GALNT16: variants seen among roughly 807,000 people sequenced by gnomAD.
The protein encoded by GALNT16 is polypeptide N-acetylgalactosaminyltransferase 16.
Under a neutral mutation model 76.1 loss-of-function variants are expected in GALNT16, and 40 were observed. That is an observed-to-expected ratio of 0.53 (90% CI 0.41 to 0.68). The LOEUF is 0.68. GALNT16 is among the 30% of genes least tolerant of loss of function. GALNT16 has a pLI of 0.00. For synonymous variants in GALNT16, 276 were observed against 285.2 expected, an observed-to-expected ratio of 0.97 and a Z score of 0.32; for missense variants, 621 against 731.9, an observed-to-expected ratio of 0.85 and a Z score of 1.75.
chr14:69,306,578 T>C (rs1466180499), intron 1 of GALNT16, among the ~76,000 whole-genome samples: 1 of 152,252 alleles, frequency 6.6e-6, no homozygotes, highest in East Asian at 1.9e-4. Flanking sequence ...ATTTAGATTA[T>C]TTTCAAATTT....
At chr14:69,268,225 C>A (rs1190317558) in intron 1 of GALNT16, among the ~76,000 whole-genome samples, 2 of 152,070 alleles carry the variant, frequency 1.3e-5, no homozygotes, top group African/African-American at 4.8e-5. Flanking sequence ...CTACAAAGAC[C>A]CCTTTGCAGA....
At chr14:69,278,325 A>G (rs1481710178) in intron 1 of GALNT16, among the ~76,000 whole-genome samples, 2 of 152,160 alleles carry the variant, frequency 1.3e-5, no homozygotes, top group African/African-American at 4.8e-5. Context: ...GTCCCTTTAG[A>G]CATAATATGT....
intron 14 of GALNT16, chr14:69,348,650 A>G (rs1205348216): frequency 1.3e-5 from 2 of 152,600 alleles, no homozygotes; most frequent in Non-Finnish European, 2.9e-5. Context: ...TGCTTTTTCC[A>G]TTGATCCGAC....
intron 1 of GALNT16, among the ~76,000 whole-genome samples, chr14:69,296,460 G>A (rs2044760686): frequency 1.3e-5 from 2 of 152,136 alleles, no homozygotes; most frequent in Admixed American, 6.5e-5. Context: ...TTGGGAAGCC[G>A]AGGTGGGCAG....
In GALNT16 at chr14:69,333,868, A is replaced by G. The variant is rs1009363122; in HGVS notation, c.967+268A>G. ...CTATTTAGGGGGAGCCCGTGGTCAC[A>G]TGGCTGGACATGTGTGTGGAAGAAC... On this transcript the variant is annotated intron_variant, in intron 9 of 14. Transcript: ENST00000448469. This position sits in a 1 kb window ranked among gnomAD's most constrained non-coding sequence, Gnocchi z 4.2. 2.4e-6 allele frequency: 1 copy of G among 418,706 alleles called. No individual in the cohort carries two copies. Among genetic ancestry groups the G allele is most frequent in the Non-Finnish European group, 4.3e-6 (1 of 234,910 alleles). The allele number at this position is 418,706 out of a possible 1,614,324, so 25.9% of individuals were successfully genotyped here.
intron 1 of GALNT16, among the ~76,000 whole-genome samples, chr14:69,294,377 C>T (rs1444666665): frequency 1.3e-5 from 2 of 152,202 alleles, no homozygotes; most frequent in East Asian, 3.8e-4. Context: ...CTGCTTTGGC[C>T]TCCCAAAGTG....
downstream of GALNT16, chr14:69,359,315 G>A (rs1363140508): frequency 1.3e-5 from 2 of 152,182 alleles, no homozygotes; most frequent in Admixed American, 6.5e-5. Flanking sequence ...TTCTAACTGG[G>A]TTTGTTTTTG....
chr14:69,323,953 A>G (rs1947466), intron 2 of GALNT16, among the ~76,000 whole-genome samples: 97,032 of 152,100 alleles, frequency 0.64, 31,247 homozygotes, highest in South Asian at 0.76. Context: ...ATAAATGCAT[A>G]CGCAGAAACA....
chr14:69,319,863 A>G (rs1197522902), intron 1 of GALNT16, among the ~76,000 whole-genome samples: 1 of 152,270 alleles, frequency 6.6e-6, no homozygotes, highest in Non-Finnish European at 1.5e-5. Context: ...CTCTGGCATC[A>G]GCCTGCAGGG....
chr14:69,369,660 GC>G, the GALNT16 span, among the ~76,000 whole-genome samples: 3 of 152,198 alleles, frequency 2.0e-5, no homozygotes, highest in Non-Finnish European at 2.9e-5. Context: ...GCAACCACGT[GC>G]ACTCAAAACT....
chr14:69,275,592 C>A (rs987660646), intron 1 of GALNT16, among the ~76,000 whole-genome samples: 1 of 152,254 alleles, frequency 6.6e-6, no homozygotes, highest in Non-Finnish European at 1.5e-5. Flanking sequence ...CACACTTGCT[C>A]ATACCTGTAA....
chr14:69,259,991 A>C, upstream of GALNT16: 1 of 277,384 alleles, frequency 3.6e-6, no homozygotes, highest in East Asian at 8.2e-5. Context: ...CCCAGTGCGC[A>C]GTGGCCTGGT....
the GALNT16 span, among the ~76,000 whole-genome samples, chr14:69,377,384 A>G: frequency 1.3e-5 from 2 of 152,338 alleles, no homozygotes; most frequent in East Asian, 3.9e-4. Flanking sequence ...ATAGAGATAT[A>G]ATTATTTCCT....
intron 1 of GALNT16, 104 bp from the exon 2 acceptor site, chr14:69,320,607 A>G: frequency 1.0e-6 from 1 of 977,124 alleles, no homozygotes; most frequent in Non-Finnish European, 1.6e-6. Context: ...CGTAAGGCAC[A>G]AATGAGGCCA....
chr14:69,322,979 TGTGCGCGCGCAC>T lies in GALNT16; in HGVS notation c.336-1711_336-1700del, dbSNP rs1429652362. Among the ~76,000 whole-genome samples, 43 of 31,764 alleles carry T rather than the reference TGTGCGCGCGCAC, an allele frequency of 1.4e-3. 1 individual carries two copies. The highest frequency in any genetic ancestry group is 0.011 in the African/African-American group (40 of 3,494). 20.8% of individuals were successfully genotyped at this position (31,764 alleles called of 152,430 possible). ...GTGTGTGTGTGTGTGTGTGTGTGTG[TGTGCGCGCGCAC>T]GCGCGCACGCATGCACACGTGTAGG... On this transcript the variant is annotated intron_variant, in intron 2 of 14. Transcript: ENST00000448469.
At chr14:69,300,516 A>G (rs145463950) in intron 1 of GALNT16, among the ~76,000 whole-genome samples, 85 of 152,272 alleles carry the variant, frequency 5.6e-4, no homozygotes, top group African/African-American at 1.9e-3. Flanking sequence ...GCTTTTGCCT[A>G]TTAGGGTCTG....
At chr14:69,319,217 G>C (rs915837896) in intron 1 of GALNT16, among the ~76,000 whole-genome samples, 1 of 152,184 alleles carries the variant, frequency 6.6e-6, no homozygotes, top group African/African-American at 2.4e-5. Flanking sequence ...AGGTAGTATC[G>C]CTACAGAGTG....
the GALNT16 span, among the ~76,000 whole-genome samples, chr14:69,369,903 T>C: frequency 2.0e-5 from 3 of 152,094 alleles, no homozygotes; most frequent in Non-Finnish European, 4.4e-5. Flanking sequence ...AAATTGGGAA[T>C]TCAGAAAACA....
chr14:69,265,164 TCCTGGGCCATTTCGAGA>T lies in GALNT16; in HGVS notation c.177+4702_177+4718del, dbSNP rs559545197. On this transcript the variant is annotated intron_variant, in intron 1 of 14. Coordinates refer to ENST00000448469, the MANE Select transcript of GALNT16 (RefSeq NM_001168368.2). ...CTGATTTCCTGTCAATGGGGTCTGT[TCCTGGGCCATTTCGAGA>T]CCTGCCTCTGGGACATGGGGTCAGC... is the stretch of plus-strand genomic sequence containing the variant. 2.2e-3 allele frequency among the ~76,000 whole-genome samples: 328 copies of T among 152,174 alleles called. 1 individual carries two copies. Among genetic ancestry groups the T allele is most frequent in the African/African-American group, 7.5e-3 (310 of 41,510 alleles).
Sources: allele counts gnomAD v4.1 joint callset (sites outside exome capture counted in the v4.1 genomes callset), GRCh38; gene constraint gnomAD v4.1.1; non-coding constraint Gnocchi (gnomAD v3.1); transcripts MANE v1.5; gene names NCBI Gene and HGNC (gene_info 2026-07-23, HGNC 2026-07-21).